MTNR1A: variants seen among roughly 807,000 people sequenced by gnomAD.
MTNR1A encodes the protein melatonin receptor 1A, also known as melatonin receptor type 1A.
A neutral mutation model predicts 5.5 loss-of-function variants in MTNR1A; 7 were observed. That is an observed-to-expected ratio of 1.28 (90% CI 0.73 to 2.40). The LOEUF (loss-of-function observed/expected upper bound fraction) is 2.40, where lower values mean the gene tolerates loss of function less well. Ranked by LOEUF, MTNR1A falls within the 30% of genes most tolerant of loss-of-function variation. The pLI, the probability that MTNR1A is intolerant of heterozygous loss-of-function variation, is 0.00. For missense variants in MTNR1A, 441 were observed against 464.4 expected, an observed-to-expected ratio of 0.95 and a Z score of 0.46; for synonymous variants, 196 against 202.7, an observed-to-expected ratio of 0.97 and a Z score of 0.28.
At position 186,536,825 on chromosome 4, in the gene MTNR1A, C is replaced by T. The variant is rs183405239; in HGVS notation, c.185-2268G>A. Among the ~76,000 whole-genome samples the T allele has an allele frequency of 7.2e-5, 11 of 152,220 alleles. No homozygotes were observed. In the East Asian group the frequency reaches 1.9e-3, roughly 27 times the overall value. On this transcript the variant is annotated intron_variant, in intron 1 of 1. Transcript: ENST00000307161. ...TTTCCCACAGATCACTTTCAATTAG[C>T]GTTGAAACATTTAAATTCCTAAGAG...
rs576995437 is a variant in MTNR1A, at chr4:186,538,892, T to G, written c.185-4335A>C. Among the ~76,000 whole-genome samples the G allele has an allele frequency of 6.6e-5, 10 of 152,214 alleles. No individual in the cohort carries two copies. The East Asian group carries it at 1.9e-3, about 29-fold the overall frequency. ...ATTTCCAGTAGTTAAGGGACACTGG[T>G]AGTCACGGCCTGCAGGGGCAAAAGA... On this transcript the variant is annotated intron_variant, in intron 1 of 1. Transcript: ENST00000307161.
intron 1 of MTNR1A, among the ~76,000 whole-genome samples, chr4:186,536,103 T>C (rs953614972): frequency 9.9e-5 from 15 of 152,256 alleles, no homozygotes; most frequent in African/African-American, 2.9e-4. Context: ...CCCAGCACTT[T>C]GGGAGGCCAA....
At chr4:186,544,430 C>A (rs932958633) in intron 1 of MTNR1A, among the ~76,000 whole-genome samples, 9 of 152,186 alleles carry the variant, frequency 5.9e-5, no homozygotes, top group African/African-American at 2.2e-4. Flanking sequence ...CAGACTCTTA[C>A]CTTTTATCAG....
At chr4:186,548,119 A>G (rs1224480376) in intron 1 of MTNR1A, among the ~76,000 whole-genome samples, 1 of 152,182 alleles carries the variant, frequency 6.6e-6, no homozygotes, top group Non-Finnish European at 1.5e-5. Flanking sequence ...TCAAAAAAAA[A>G]CTATATGAAC....
chr4:186,548,115 A>C (rs903126850), intron 1 of MTNR1A, among the ~76,000 whole-genome samples: 20 of 152,208 alleles, frequency 1.3e-4, no homozygotes, highest in Non-Finnish European at 2.8e-4. Context: ...GCAATCAAAA[A>C]AAAACTATAT....
intron 1 of MTNR1A, among the ~76,000 whole-genome samples, chr4:186,534,951 C>T (rs1053821565): frequency 1.3e-5 from 2 of 152,234 alleles, no homozygotes; most frequent in African/African-American, 4.8e-5. Context: ...TTCAAGTCTT[C>T]ATTCCCTCTG....
At chr4:186,545,108 T>G (rs1260753241) in intron 1 of MTNR1A, among the ~76,000 whole-genome samples, 2 of 152,112 alleles carry the variant, frequency 1.3e-5, no homozygotes, top group African/African-American at 2.4e-5. Context: ...CTGAGAGTGC[T>G]CCCTCAGCAA....
In MTNR1A at chr4:186,547,256, C is replaced by T. The variant is rs1446225081; in HGVS notation, c.184+7926G>A. ...CATGGGACACACCGTCCACACCACA[C>T]CCTGTTCATGGGACACACCGTCCAC... On this transcript the variant is annotated intron_variant, in intron 1 of 1. Transcript: ENST00000307161. 2.9e-5 allele frequency among the ~76,000 whole-genome samples: 2 copies of T among 69,778 alleles called. 1 individual carries two copies. Among genetic ancestry groups the T allele is most frequent in the East Asian group, 1.4e-3 (2 of 1,460 alleles). The allele number at this position is 69,778 out of a possible 152,430, so 45.8% of individuals were successfully genotyped here.
rs142480247 is a variant in MTNR1A at position 186,533,947 on chromosome 4, G to A, written c.795C>T (p.Pro265=). The change falls in exon 2 of 2, where the codon CCC becomes CCT. Residue 265 remains proline (P), a synonymous_variant. Transcript: ENST00000307161. ...CTGGGATCCTAGGCACCATGCTGGC[G>A]GGGTCAGAGGCCACGGCCAGGCCAA... ...NFIGLAVASD[P]ASMVPRIPEW... The A allele has an allele frequency of 3.7e-4, 595 of 1,614,092 alleles. 1 individual carries two copies. The highest frequency in any genetic ancestry group is 3.3e-3 in the African/African-American group (250 of 75,008).
intron 1 of MTNR1A, among the ~76,000 whole-genome samples, chr4:186,544,742 C>A (rs1737102906): frequency 6.6e-6 from 1 of 152,186 alleles, no homozygotes; most frequent in Non-Finnish European, 1.5e-5. Flanking sequence ...GTTAGCAGGG[C>A]CCATTACCAC....
chr4:186,539,500 A>G (rs76199389), intron 1 of MTNR1A, among the ~76,000 whole-genome samples: 4,786 of 152,264 alleles, frequency 0.031, 253 homozygotes, highest in African/African-American at 0.11. Context: ...TTAATCGCCA[A>G]TGTGATAGTA....
At chr4:186,536,736 T>C (rs1454313406) in intron 1 of MTNR1A, among the ~76,000 whole-genome samples, 1 of 152,224 alleles carries the variant, frequency 6.6e-6, no homozygotes, top group African/African-American at 2.4e-5. Context: ...TAAATTGTCA[T>C]AAAAGCAAAT....
chr4:186,537,088 ATTATG>A lies in MTNR1A; in HGVS notation c.185-2536_185-2532del, dbSNP rs773249538. ...ACCCTGCTTCATTTATTTTATAGTA[ATTATG>A]TTGCATTACAATTCAAGCAATTACA... On this transcript the variant is annotated intron_variant, in intron 1 of 1. Transcript: ENST00000307161. 3.4e-3 allele frequency among the ~76,000 whole-genome samples: 523 copies of A among 152,294 alleles called. 2 individuals carry two copies. The highest frequency in any genetic ancestry group is 5.4e-3 in the Non-Finnish European group (364 of 68,020).
Position 186,533,998 on chromosome 4 carries a change from G to A in MTNR1A, c.744C>T (p.Ala248=), listed in dbSNP as rs1736773608. ...TGAAGTTCAGAGGAGCCCAGCAAAT[G>A]GCAAAAAGGACAAAAACCACAAACA... ...VTMFVVFVLF[A]ICWAPLNFIG... The change falls in exon 2 of 2, where the codon GCC becomes GCT. Residue 248 remains alanine, a synonymous_variant. Transcript: ENST00000307161. The A allele has an allele frequency of 1.2e-6, 2 of 1,614,068 alleles. No homozygotes were observed. Among genetic ancestry groups the A allele is most frequent in the African/African-American group, 2.7e-5 (2 of 75,004 alleles).
intron 1 of MTNR1A, among the ~76,000 whole-genome samples, chr4:186,543,871 T>G (rs1421233160): frequency 2.0e-5 from 3 of 152,212 alleles, no homozygotes; most frequent in Admixed American, 6.5e-5. Context: ...TGGACTGTGT[T>G]GAATTAGTAT....
chr4:186,548,816 T>TATATATAG (rs1737207556), intron 1 of MTNR1A, among the ~76,000 whole-genome samples: 1 of 66,440 alleles, frequency 1.5e-5, no homozygotes, highest in African/African-American at 6.9e-5. Context: ...TAAAGATATA[T>TATATATAG]ATATATATAT....
intron 1 of MTNR1A, among the ~76,000 whole-genome samples, chr4:186,535,830 TC>T (rs1320367853): frequency 2.0e-5 from 3 of 152,198 alleles, no homozygotes; most frequent in Non-Finnish European, 4.4e-5. Context: ...ACTTTCTAAA[TC>T]CTGCCCATTC....
chr4:186,549,756 C>G (rs1280471314), intron 1 of MTNR1A, among the ~76,000 whole-genome samples: 1 of 152,116 alleles, frequency 6.6e-6, no homozygotes, highest in Non-Finnish European at 1.5e-5. Flanking sequence ...CGCGTTTGAC[C>G]CACGCTTAGA....
Position 186,540,707 on chromosome 4 carries a change from T to TGAAG in MTNR1A, c.185-6154_185-6151dup, listed in dbSNP as rs1458868175. ...ACTGAAGGACCAGGTGCTGTCTGTCTGAAGGACCAGGTGCTGTCTGACTGA... is the reference window on the plus strand; with the variant it reads ...ACTGAAGGACCAGGTGCTGTCTGTCTGAAGGAAGGACCAGGTGCTGTCTGACTGA... On this transcript the variant is annotated intron_variant, in intron 1 of 1. Transcript: ENST00000307161. Among the ~76,000 whole-genome samples, 222 of 144,816 alleles carry TGAAG rather than the reference T, an allele frequency of 1.5e-3. 1 individual carries two copies. Among genetic ancestry groups the TGAAG allele is most frequent in the African/African-American group, 5.7e-3 (213 of 37,044 alleles).
Sources: allele counts gnomAD v4.1 joint callset (sites outside exome capture counted in the v4.1 genomes callset), GRCh38; gene constraint gnomAD v4.1.1; transcripts MANE v1.5; gene names NCBI Gene and HGNC (gene_info 2026-07-23, HGNC 2026-07-21).